STK40: variants seen among roughly 807,000 people sequenced by gnomAD.
STK40 encodes serine/threonine kinase 40, also known as serine/threonine-protein kinase 40.
A neutral mutation model predicts 47.9 loss-of-function variants in STK40; 13 were observed. The observed-to-expected ratio is 0.27, with a 90% CI of 0.18 to 0.43. The LOEUF (loss-of-function observed/expected upper bound fraction) is 0.43. Ranked by LOEUF, STK40 falls within the 20% of genes least tolerant of loss-of-function variation. STK40 has a pLI of 1.00. For synonymous variants in STK40, 225 were observed against 243.2 expected, an observed-to-expected ratio of 0.93 and a Z score of 0.69; for missense variants, 460 against 595.1, an observed-to-expected ratio of 0.77 and a Z score of 2.36.
intron 1 of STK40, among the ~76,000 whole-genome samples, chr1:36,375,280 G>A (rs1379764923): frequency 1.3e-5 from 2 of 152,186 alleles, no homozygotes; most frequent in Non-Finnish European, 1.5e-5. Context: ...GCCGAGGCAG[G>A]TTGATCACCT....
chr1:36,344,044 G>A (rs1424069863), intron 8 of STK40, 65 bp from the exon 9 acceptor site: 7 of 1,588,468 alleles, frequency 4.4e-6, no homozygotes, highest in Non-Finnish European at 6.0e-6. Context: ...AGGATGCCCA[G>A]GCTCACTGTG....
At chr1:36,380,342 C>T (rs540916567) in intron 1 of STK40, among the ~76,000 whole-genome samples, 1 of 152,340 alleles carries the variant, frequency 6.6e-6, no homozygotes, top group South Asian at 2.1e-4. Context: ...CCCACCAGCA[C>T]ACCCCTCACT....
intron 1 of STK40, among the ~76,000 whole-genome samples, chr1:36,375,051 C>G (rs1366616222): frequency 6.6e-6 from 1 of 152,214 alleles, no homozygotes; most frequent in African/African-American, 2.4e-5. Flanking sequence ...CTGGTTGATT[C>G]TAAAAGCCAC....
intron 5 of STK40, among the ~76,000 whole-genome samples, 158 bp downstream of exon 5, chr1:36,355,048 C>CCT (rs1646790380): frequency 6.6e-6 from 1 of 152,168 alleles, no homozygotes; most frequent in African/African-American, 2.4e-5. Flanking sequence ...TGGCACTGTG[C>CCT]CTCACCCTGT....
In STK40 at chr1:36,358,565, A is replaced by C. The variant is rs189579117; in HGVS notation, c.198+172T>G. ...GTGATGTAATTTATGCACAGACAAA[A>C]CTCTTTAAATCAGAAGTTGTTCTGA... is the stretch of plus-strand genomic sequence containing the variant. On this transcript the variant is annotated intron_variant, in intron 3 of 10. Coordinates refer to ENST00000373132, the MANE Select transcript of STK40 (RefSeq NM_001282547.2). Among the ~76,000 whole-genome samples, 188 of 151,888 alleles carry C rather than the reference A, an allele frequency of 1.2e-3. 1 individual carries two copies. Among genetic ancestry groups the C allele is most frequent in the African/African-American group, 4.3e-3 (178 of 41,392 alleles).
At chr1:36,344,048 C>A in intron 8 of STK40, 69 bp from the exon 9 acceptor site, 1 of 1,588,510 alleles carries the variant, frequency 6.3e-7, no homozygotes, top group South Asian at 1.1e-5. Context: ...TGCCCAGGCT[C>A]ACTGTGCCGT....
rs1046958981 is a variant in STK40, at chr1:36,377,464, C to T, written c.-9+8259G>A. Among the ~76,000 whole-genome samples the T allele has an allele frequency of 3.7e-5, 5 of 134,976 alleles. No homozygotes were observed. In the East Asian group the frequency reaches 7.0e-4, roughly 19 times the overall value. The allele number at this position is 134,976 out of a possible 152,430, so 88.5% of individuals were successfully genotyped here. Reference sequence around the variant, plus strand: ...AGGAGAATTGCTTGAACCTGGGAGGCGGAGGTTGCAGTGAGCCAAGACCAT... The same window carrying T: ...AGGAGAATTGCTTGAACCTGGGAGGTGGAGGTTGCAGTGAGCCAAGACCAT... On this transcript the variant is annotated intron_variant, in intron 1 of 10. Transcript: ENST00000373132.
In STK40 at chr1:36,348,966, C is replaced by T. The variant is rs149431503; in HGVS notation, c.624-151G>A. 241 of 691,356 alleles carry T rather than the reference C, an allele frequency of 3.5e-4. 1 individual carries two copies. The African/African-American group carries it at 3.6e-3, about 10-fold the overall frequency. 42.8% of individuals were successfully genotyped at this position (691,356 alleles called of 1,614,324 possible). Reference sequence around the variant, plus strand: ...GAGGGTGAAGCAGCTGCCCCGACCCCCTCTCCAGGGAGCAGAGCAGAGGAA... The same window carrying T: ...GAGGGTGAAGCAGCTGCCCCGACCCTCTCTCCAGGGAGCAGAGCAGAGGAA... On this transcript the variant is annotated intron_variant, in intron 6 of 10. Transcript: ENST00000373132.
In STK40 at chr1:36,358,965, G is replaced by C; in HGVS notation, c.113-143C>G. On this transcript the variant is annotated intron_variant, in intron 2 of 10. Coordinates refer to ENST00000373132, the MANE Select transcript of STK40 (RefSeq NM_001282547.2). Reference sequence around the variant, plus strand: ...CTGGACTGACCCTCCAAGGTCTCCTGGTGGAGAGTTTTCAAGGTCTCCCCT... The same window carrying C: ...CTGGACTGACCCTCCAAGGTCTCCTCGTGGAGAGTTTTCAAGGTCTCCCCT... 8.7e-6 allele frequency: 7 copies of C among 805,040 alleles called. No homozygotes were observed. In the South Asian group the frequency reaches 1.2e-4, roughly 14 times the overall value. 49.9% of individuals were successfully genotyped at this position (805,040 alleles called of 1,614,324 possible).
At chr1:36,371,019 C>T (rs113128017) in intron 1 of STK40, among the ~76,000 whole-genome samples, 6 of 151,494 alleles carry the variant, frequency 4.0e-5, no homozygotes, top group Non-Finnish European at 5.9e-5. Flanking sequence ...TGGGATTACA[C>T]GTGCATGCCA....
chr1:36,371,266 CAAG>C (rs1304138717), intron 1 of STK40, among the ~76,000 whole-genome samples: 1 of 151,188 alleles, frequency 6.6e-6, no homozygotes, highest in Admixed American at 6.6e-5. Context: ...GAAATAATGA[CAAG>C]AAGGGCCGGG....
At chr1:36,384,145 TC>T (rs1647065286) in intron 1 of STK40, among the ~76,000 whole-genome samples, 2 of 152,120 alleles carry the variant, frequency 1.3e-5, no homozygotes, top group South Asian at 4.2e-4. Flanking sequence ...TTCTCCTGCC[TC>T]AGCCTCCCGA....
chr1:36,376,581 G>A (rs1164663823), intron 1 of STK40, among the ~76,000 whole-genome samples: 2 of 152,110 alleles, frequency 1.3e-5, no homozygotes, highest in Admixed American at 6.5e-5. Context: ...CCCAAGGCAG[G>A]AAACTATCTA....
At chr1:36,364,146 G>A (rs529779019) in intron 1 of STK40, among the ~76,000 whole-genome samples, 6 of 152,144 alleles carry the variant, frequency 3.9e-5, no homozygotes, top group South Asian at 2.1e-4. Flanking sequence ...GCAAGACTCC[G>A]TCTCAAAAGA....
chr1:36,340,371 G>C lies in STK40; in HGVS notation c.*1384C>G, dbSNP rs1283835863. On this transcript the variant is annotated 3_prime_UTR_variant, in exon 11 of 11. Coordinates refer to ENST00000373132, the MANE Select transcript of STK40 (RefSeq NM_001282547.2). ...CACTCACAGTGAGTCAGCTTTTTAG[G>C]GGGAGGAGAGCGGCTCACACTCTGG... is the stretch of plus-strand genomic sequence containing the variant. The C allele has an allele frequency of 6.5e-6, 1 of 152,734 alleles. No individual in the cohort carries two copies. The highest frequency in any genetic ancestry group is 2.4e-5 in the African/African-American group (1 of 41,456). The allele number at this position is 152,734 out of a possible 1,614,324, so 9.5% of individuals were successfully genotyped here. A position where few individuals can be genotyped will look rare whatever the true frequency, so the allele number is the denominator to read the frequency against.
At chr1:36,346,928 G>A (rs1045325914) in intron 7 of STK40, among the ~76,000 whole-genome samples, 2 of 152,182 alleles carry the variant, frequency 1.3e-5, no homozygotes, top group Non-Finnish European at 2.9e-5. Flanking sequence ...GGGATGCTTT[G>A]GGGATTACTG....
chr1:36,382,979 G>A (rs1026391404), intron 1 of STK40, among the ~76,000 whole-genome samples: 4 of 152,016 alleles, frequency 2.6e-5, no homozygotes, highest in Non-Finnish European at 5.9e-5. Context: ...ACAGAGTTTC[G>A]CTCTTGTTGC....
chr1:36,343,345 T>C lies in STK40; in HGVS notation c.1089+19A>G. The C allele has an allele frequency of 6.2e-7, 1 of 1,608,054 alleles. No individual in the cohort carries two copies. The highest frequency in any genetic ancestry group is 8.5e-7 in the Non-Finnish European group (1 of 1,176,558). ...TCCCTTGGGGCTGGGTAATGGCCCA[T>C]CTGCCCTCCCCAACTCACCTCCTGG... On this transcript the variant is annotated intron_variant, in intron 10 of 10. Transcript: ENST00000373132.
chr1:36,354,459 G>T (rs1025713768), intron 5 of STK40, 43 bp from the exon 6 acceptor site: 1 of 1,610,166 alleles, frequency 6.2e-7, no homozygotes, highest in Non-Finnish European at 8.5e-7. Flanking sequence ...CAATGTGAGA[G>T]GTGGGGTCAG....
Sources: gnomAD v4.1 joint callset for allele counts (sites outside exome capture counted in the v4.1 genomes callset) on GRCh38, gnomAD v4.1.1 for gene constraint, MANE v1.5 for transcripts, NCBI Gene and HGNC (gene_info 2026-07-23, HGNC 2026-07-21) for gene names.